C19orf44: variants seen among roughly 807,000 people sequenced by gnomAD.
C19orf44 encodes the protein chromosome 19 open reading frame 44.
In C19orf44, 43 loss-of-function variants were observed where a neutral mutation model predicts 50.7. The observed-to-expected ratio is 0.85, with a 90% CI of 0.66 to 1.09. The LOEUF is 1.09. C19orf44 is among the 50% of genes least tolerant of loss of function. C19orf44 has a pLI of 0.00. For synonymous variants in C19orf44, 298 were observed against 334.7 expected (o/e 0.89, Z 1.20); for missense variants, 722 against 836.2 (o/e 0.86, Z 1.68).
chr19:16,519,126 G>A lies in C19orf44; in HGVS notation c.*41-968G>A, dbSNP rs200671301. ...CCAGGAAGGTCCCACAGCCGGCACC[G>A]CTGGCCACCGGCGCGGCTCCCGGCA... On this transcript the variant is annotated intron_variant, in intron 8 of 8. Transcript: ENST00000221671. The surrounding 1 kb of genome is among the most constrained non-coding windows in gnomAD (Gnocchi z 6.0). 7.7e-5 allele frequency: 123 copies of A among 1,592,134 alleles called. No individual in the cohort carries two copies. The African/African-American group carries it at 1.2e-3, about 16-fold the overall frequency.
intron 5 of C19orf44, 147 bp from the exon 6 acceptor site, chr19:16,512,862 CAAAAA>C (rs561129339): frequency 1.8e-4 from 90 of 500,768 alleles, no homozygotes; most frequent in South Asian, 2.1e-4. Context: ...TGTCTCAAAC[CAAAAA>C]AAAAAAAAAA....
chr19:16,515,922 G>A (rs2093470278), intron 7 of C19orf44, among the ~76,000 whole-genome samples: 1 of 151,138 alleles, frequency 6.6e-6, no homozygotes, highest in African/African-American at 2.4e-5. Flanking sequence ...TCACCTTCCT[G>A]AGTAGCTGTG....
intron 3 of C19orf44, among the ~76,000 whole-genome samples, chr19:16,504,012 T>C (rs568628758): frequency 4.2e-4 from 64 of 152,206 alleles, no homozygotes; most frequent in Non-Finnish European, 7.4e-5. Context: ...ACCCTGTTTT[T>C]ACAAAAAATA....
Position 16,500,783 on chromosome 19 carries a change from C to G in C19orf44, c.-1-9C>G. The G allele has an allele frequency of 6.4e-7, 1 of 1,555,272 alleles. No homozygotes were observed. The highest frequency in any genetic ancestry group is 8.7e-7 in the Non-Finnish European group (1 of 1,154,472). On this transcript the variant is annotated splice_polypyrimidine_tract_variant and intron_variant, in intron 1 of 8. Transcript: ENST00000221671. ...ACTCTTATGCAAAATTGCTCCTCTT[C>G]CTCCACAGAATGGCTTCTGCAAGGA...
Position 16,520,745 on chromosome 19 carries a change from G to A in C19orf44, c.*692G>A, listed in dbSNP as rs2085605665. ...CAGGCTGTGTGAGGGTGGACGTGAT[G>A]AGTGTATCTGGGGTCTGCTCCCACC... On this transcript the variant is annotated 3_prime_UTR_variant, in exon 9 of 9. Coordinates refer to ENST00000221671, the MANE Select transcript of C19orf44 (RefSeq NM_032207.4). This position sits in a 1 kb window ranked among gnomAD's most constrained non-coding sequence, Gnocchi z 4.0. 7.3e-7 allele frequency: 1 copy of A among 1,372,120 alleles called. No individual in the cohort carries two copies. Among genetic ancestry groups the A allele is most frequent in the African/African-American group, 1.4e-5 (1 of 70,156 alleles). 85.0% of individuals were successfully genotyped at this position (1,372,120 alleles called of 1,614,324 possible).
In C19orf44 at chr19:16,509,545, C is replaced by G; in HGVS notation, c.1196C>G (p.Ala399Gly). The change falls in exon 5 of 9, where the codon GCC (alanine) becomes GGC (glycine). Residue 399 changes from alanine (A) to glycine (G), a missense_variant. Ala to Gly is a moderately conservative substitution (Grantham distance 60). Coordinates refer to ENST00000221671, the MANE Select transcript of C19orf44 (RefSeq NM_032207.4). ...AAAACAGCTGGCAAAATCTTCAGAG[C>G]CGAGGCGTCCACTGGGCAGGATGCC... ...RQKTAGKIFR[A>G]EASTGQDAPR... 6.3e-7 allele frequency: 1 copy of G among 1,577,264 alleles called. No individual in the cohort carries two copies. Among genetic ancestry groups the G allele is most frequent in the Middle Eastern group, 1.7e-4 (1 of 5,842 alleles).
chr19:16,502,986 C>CAAAAAAAA, intron 2 of C19orf44, 79 bp from the exon 3 acceptor site: 1 of 1,182,210 alleles, frequency 8.5e-7, no homozygotes, highest in Non-Finnish European at 1.2e-6. Context: ...GACCCTTTCT[C>CAAAAAAAA]AAAAAAAAAA....
chr19:16,507,664 T>C (rs1039567054), intron 4 of C19orf44, among the ~76,000 whole-genome samples: 1 of 151,612 alleles, frequency 6.6e-6, no homozygotes, highest in African/African-American at 2.4e-5. Flanking sequence ...CTAATTTTTG[T>C]ATATTTTAGT....
At chr19:16,517,845 C>T (rs967607983) in intron 8 of C19orf44, 1 of 153,494 alleles carries the variant, frequency 6.5e-6, no homozygotes, top group Non-Finnish European at 1.4e-5. Context: ...CATGTGTCTC[C>T]TCACTCAGCC....
chr19:16,500,598 C>T (rs943598087), intron 1 of C19orf44, among the ~76,000 whole-genome samples, 194 bp from the exon 2 acceptor site: 3 of 152,056 alleles, frequency 2.0e-5, no homozygotes, highest in African/African-American at 4.8e-5. Flanking sequence ...CTGCCTCGGC[C>T]TCCCAAAGTG....
At position 16,517,114 on chromosome 19, in the gene C19orf44, T is replaced by C. The variant is rs1239292470; in HGVS notation, c.1903-116T>C. On this transcript the variant is annotated intron_variant, in intron 7 of 8. Transcript: ENST00000221671. Reference sequence around the variant, plus strand: ...CACATCCTGTGGTTTTACACTTCTGTCACTGACAGGAGCCTGCTGGGGACA... The same window carrying C: ...CACATCCTGTGGTTTTACACTTCTGCCACTGACAGGAGCCTGCTGGGGACA... The C allele has an allele frequency of 9.7e-6, 9 of 926,722 alleles. No homozygotes were observed. In the East Asian group the frequency reaches 1.0e-4, roughly 11 times the overall value. The allele number at this position is 926,722 out of a possible 1,614,324, so 57.4% of individuals were successfully genotyped here.
chr19:16,496,583 G>A (rs1207261271), intron 1 of C19orf44, 118 bp downstream of exon 1: 1 of 243,868 alleles, frequency 4.1e-6, no homozygotes, highest in African/African-American at 2.3e-5. Flanking sequence ...ATGGTCCCGC[G>A]CCTCAGTTTC....
At chr19:16,506,837 A>C in intron 4 of C19orf44, 63 bp downstream of exon 4, 1 of 1,271,042 alleles carries the variant, frequency 7.9e-7, no homozygotes. Flanking sequence ...TTTTTTTTTA[A>C]ATTTTTAAAA....
rs112936065 is a variant in C19orf44 at position 16,519,951 on chromosome 19, G to A, written c.*41-143G>A. 1,029 of 675,622 alleles carry A rather than the reference G, an allele frequency of 1.5e-3. 8 individuals are homozygous for A. The African/African-American group carries it at 0.016, about 10-fold the overall frequency. 41.9% of individuals were successfully genotyped at this position (675,622 alleles called of 1,614,324 possible). A position where few individuals can be genotyped will look rare whatever the true frequency, so the allele number is the denominator to read the frequency against. ...GCAGGACACCTCCAACCCAGATGGT[G>A]GTTAGAAAGCAGACCCCAGTTACTG... On this transcript the variant is annotated intron_variant, in intron 8 of 8. Coordinates refer to ENST00000221671, the MANE Select transcript of C19orf44 (RefSeq NM_032207.4). The surrounding 1 kb of genome is among the most constrained non-coding windows in gnomAD (Gnocchi z 6.0).
intron 5 of C19orf44, among the ~76,000 whole-genome samples, chr19:16,511,684 G>A (rs1599736630): frequency 6.6e-6 from 1 of 152,078 alleles, no homozygotes; most frequent in South Asian, 2.1e-4. Flanking sequence ...GGGTTTCAGC[G>A]ATTCTCCCAC....
In C19orf44 at chr19:16,503,395, G is replaced by T; in HGVS notation, c.1075+15G>T. 5.0e-6 allele frequency: 8 copies of T among 1,598,122 alleles called. No homozygotes were observed. Among genetic ancestry groups the T allele is most frequent in the East Asian group, 2.2e-5 (1 of 44,648 alleles). ...CAGCCTCGACGGTAATCCCAGTCCC[G>T]GTGCAAAGCCAGTACCTTGGGCAGG... On this transcript the variant is annotated intron_variant, in intron 3 of 8. Transcript: ENST00000221671.
In C19orf44 at chr19:16,509,498, G is replaced by A. The variant is rs763157363; in HGVS notation, c.1150-1G>A. The A allele has an allele frequency of 4.6e-5, 70 of 1,533,352 alleles. No homozygotes were observed. Among genetic ancestry groups the A allele is most frequent in the Non-Finnish European group, 5.3e-5 (61 of 1,143,740 alleles). 95.0% of individuals were successfully genotyped at this position (1,533,352 alleles called of 1,614,324 possible). On this transcript the variant is annotated splice_acceptor_variant, in intron 4 of 8. Transcript: ENST00000221671. LOFTEE classifies it high-confidence loss of function. ...GCCACCTCTGCCATTCTTCATTTTA[G>A]GAGGAAAGTGCTCAGAGACAAAAAA...
chr19:16,517,275 C>G lies in C19orf44; in HGVS notation c.1948C>G (p.Leu650Val), dbSNP rs749965561. Residue 650 changes from leucine (L) to valine (V), a missense_variant, in exon 8 of 9, where the codon CTG becomes GTG. Physicochemically the swap from Leu to Val is conservative, Grantham distance 32. Transcript: ENST00000221671. ...RPAPLTMEDA[L>V]EEVNKEL is the part of the protein sequence containing the mutation. ...TGCCCCACTGACCATGGAGGATGCC[C>G]TGGAGGAGGTGAACAAGGAGCTGTG... 4 of 1,614,016 alleles carry G rather than the reference C, an allele frequency of 2.5e-6. No individual in the cohort carries two copies. Among genetic ancestry groups the G allele is most frequent in the African/African-American group, 1.3e-5 (1 of 74,936 alleles).
chr19:16,519,436 G>T lies in C19orf44; in HGVS notation c.*41-658G>T. ...GGGGGGCTGAATGTCCAGACAGGCA[G>T]TGTAGACATGGGAAATGGGTAGAGA... On this transcript the variant is annotated intron_variant, in intron 8 of 8. Transcript: ENST00000221671. This position sits in a 1 kb window ranked among gnomAD's most constrained non-coding sequence, Gnocchi z 6.0. 1 of 1,434,474 alleles carries T rather than the reference G, an allele frequency of 7.0e-7. No homozygotes were observed. Among genetic ancestry groups the T allele is most frequent in the Non-Finnish European group, 9.6e-7 (1 of 1,044,036 alleles). The allele number at this position is 1,434,474 out of a possible 1,614,324, so 88.9% of individuals were successfully genotyped here.
Sources: gnomAD v4.1 joint callset for allele counts (sites outside exome capture counted in the v4.1 genomes callset) on GRCh38, gnomAD v4.1.1 for gene constraint, Gnocchi (gnomAD v3.1) non-coding constraint, MANE v1.5 for transcripts, NCBI Gene and HGNC (gene_info 2026-07-23, HGNC 2026-07-21) for gene names.